The following PDE4D variants were observed in gnomAD, a reference collection of about 807,000 sequenced individuals.
The protein encoded by PDE4D is phosphodiesterase 4D, also known as 3',5'-cyclic-AMP phosphodiesterase 4D.
A neutral mutation model predicts 87.4 loss-of-function variants in PDE4D; 24 were observed. That is an observed-to-expected ratio of 0.27 (90% confidence interval 0.20 to 0.39). PDE4D has a LOEUF of 0.39. Ranked by LOEUF, PDE4D falls within the 10% of genes least tolerant of loss-of-function variation. PDE4D has a pLI of 1.00. For missense variants in PDE4D, 714 were observed against 1,041.0 expected (o/e 0.69, Z 4.32); for synonymous variants, 384 against 383.2 (o/e 1.00, Z -0.02).
At chr5:60,087,014 G>C (rs997147939) in intron 2 of PDE4D, among the ~76,000 whole-genome samples, 9 of 152,200 alleles carry the variant, frequency 5.9e-5, no homozygotes, top group Non-Finnish European at 1.2e-4. Flanking sequence ...ACAACTAAAA[G>C]TTGGGACTGA....
At chr5:59,832,654 C>A (rs1157709) in intron 1 of PDE4D, among the ~76,000 whole-genome samples, 146,694 of 152,154 alleles carry the variant, frequency 0.96, 70,797 homozygotes, top group African/African-American at 0.99. Context: ...GCCCTGAGAT[C>A]TCAAAAGCCT....
chr5:59,839,649 T>C (rs899568294), intron 1 of PDE4D, among the ~76,000 whole-genome samples: 1 of 152,158 alleles, frequency 6.6e-6, no homozygotes, highest in East Asian at 1.9e-4. Flanking sequence ...ATTTTTCATA[T>C]GGTGGAAGTG....
chr5:59,520,151 T>C (rs1473108849), intron 1 of PDE4D, among the ~76,000 whole-genome samples: 2 of 152,134 alleles, frequency 1.3e-5, no homozygotes, highest in Non-Finnish European at 2.9e-5. Flanking sequence ...TAGTCCCAGC[T>C]ACTTCGAAGG....
chr5:59,018,391 C>A (rs1159552031), intron 6 of PDE4D, among the ~76,000 whole-genome samples: 2 of 152,202 alleles, frequency 1.3e-5, no homozygotes, highest in Non-Finnish European at 2.9e-5. Context: ...AAGTCTATTA[C>A]ACTTTGGGTG....
chr5:59,881,927 C>T (rs1445395845), intron 1 of PDE4D, among the ~76,000 whole-genome samples: 1 of 152,122 alleles, frequency 6.6e-6, no homozygotes, highest in Non-Finnish European at 1.5e-5. Context: ...TTATAAAACA[C>T]TAATGGGTGT....
intron 1 of PDE4D, among the ~76,000 whole-genome samples, chr5:60,265,807 G>A (rs983973512): frequency 6.6e-6 from 1 of 152,164 alleles, no homozygotes; most frequent in African/African-American, 2.4e-5. Context: ...CACACCTCCT[G>A]CCAAGCTGAG....
intron 5 of PDE4D, among the ~76,000 whole-genome samples, chr5:59,123,936 T>TA (rs149593479): frequency 0.064 from 9,695 of 151,992 alleles, 394 homozygotes; most frequent in East Asian, 0.14. Flanking sequence ...CTGTATGATG[T>TA]AAAAAAAAGA....
intron 1 of PDE4D, among the ~76,000 whole-genome samples, chr5:59,219,937 C>T (rs140501603): frequency 3.9e-4 from 59 of 152,008 alleles, no homozygotes; most frequent in African/African-American, 1.3e-3. Flanking sequence ...ATGAATAAGG[C>T]GTGTATATAA....
chr5:59,605,610 A>C (rs1397777554), intron 1 of PDE4D, among the ~76,000 whole-genome samples: 6 of 152,118 alleles, frequency 3.9e-5, no homozygotes, highest in Non-Finnish European at 7.4e-5. Flanking sequence ...ACAGGGGTTC[A>C]AACTCCTGTT....
intron 11 of PDE4D, among the ~76,000 whole-genome samples, chr5:58,982,160 T>C (rs1745315825): frequency 6.6e-6 from 1 of 152,186 alleles, no homozygotes. Context: ...GGGGTAATTA[T>C]GAGTCGTAAC....
Position 59,263,815 on chromosome 5 carries a change from T to A in PDE4D, c.456-47847A>T, listed in dbSNP as rs531752680. ...ATTTTCAAAATCAGGATCACTATTA[T>A]TTTTAGTAGGTGGGGGCAGGGGCTT... On this transcript the variant is annotated intron_variant, in intron 1 of 14. Transcript: ENST00000340635. Among the ~76,000 whole-genome samples, 3 of 152,016 alleles carry A rather than the reference T, an allele frequency of 2.0e-5. No individual in the cohort carries two copies. In the South Asian group the frequency reaches 6.2e-4, roughly 32 times the overall value.
intron 1 of PDE4D, among the ~76,000 whole-genome samples, chr5:59,346,352 A>G (rs1413797307): frequency 6.6e-6 from 1 of 152,106 alleles, no homozygotes; most frequent in Non-Finnish European, 1.5e-5. Context: ...ATCCTTGCAG[A>G]GTGCTAAGGG....
chr5:60,432,731 T>G (rs533422481), intron 1 of PDE4D, among the ~76,000 whole-genome samples: 13 of 152,188 alleles, frequency 8.5e-5, no homozygotes, highest in African/African-American at 2.9e-4. Flanking sequence ...CAAAAATAGA[T>G]ACATAGACCA....
Position 59,639,812 on chromosome 5 carries a change from A to AGTGTGT in PDE4D, c.455+253350_455+253355dup, listed in dbSNP as rs70975323. ...TGCCAATTTTAAATATAGTGTCTATAGTGTGTGTGTGTGTGTGTGTGTGTG... is the reference window on the plus strand; with the variant it reads ...TGCCAATTTTAAATATAGTGTCTATAGTGTGTGTGTGTGTGTGTGTGTGTGTGTGTG... On this transcript the variant is annotated intron_variant, in intron 1 of 14. Coordinates refer to ENST00000340635, the MANE Select transcript of PDE4D (RefSeq NM_001104631.2). Among the ~76,000 whole-genome samples, 1,281 of 143,692 alleles carry AGTGTGT rather than the reference A, an allele frequency of 8.9e-3. 11 individuals are homozygous for AGTGTGT. Among genetic ancestry groups the AGTGTGT allele is most frequent in the African/African-American group, 0.025 (967 of 38,126 alleles). 94.3% of individuals were successfully genotyped at this position (143,692 alleles called of 152,430 possible). A position where few individuals can be genotyped will look rare whatever the true frequency, so the allele number is the denominator to read the frequency against.
At chr5:60,252,586 C>T (rs1349149279) in intron 1 of PDE4D, among the ~76,000 whole-genome samples, 2 of 151,620 alleles carry the variant, frequency 1.3e-5, no homozygotes, top group African/African-American at 2.4e-5. Flanking sequence ...GTGGCAATGG[C>T]AGGGGTATGG....
intron 1 of PDE4D, among the ~76,000 whole-genome samples, chr5:59,869,226 G>T (rs759699500): frequency 1.3e-5 from 2 of 152,192 alleles, no homozygotes; most frequent in Non-Finnish European, 2.9e-5. Flanking sequence ...CAACTGGCAA[G>T]ATTTGGAGAA....
At chr5:59,328,448 G>C (rs532553282) in intron 1 of PDE4D, among the ~76,000 whole-genome samples, 21 of 152,258 alleles carry the variant, frequency 1.4e-4, no homozygotes, top group Non-Finnish European at 2.5e-4. Flanking sequence ...GCTAGCATTT[G>C]ATTTATCTTG....
At chr5:59,448,442 G>GAA (rs1229016278) in intron 1 of PDE4D, among the ~76,000 whole-genome samples, 1 of 152,116 alleles carries the variant, frequency 6.6e-6, no homozygotes, top group Non-Finnish European at 1.5e-5. Context: ...GAAGTCTTTT[G>GAA]AATTTTCAAT....
chr5:59,460,086 T>G (rs1800531725), intron 1 of PDE4D, among the ~76,000 whole-genome samples: 1 of 149,396 alleles, frequency 6.7e-6, no homozygotes, highest in Non-Finnish European at 1.5e-5. Context: ...AAAATAGACA[T>G]AAGTAGAAAG....
Sources: allele counts gnomAD v4.1 joint callset (sites outside exome capture counted in the v4.1 genomes callset), GRCh38; gene constraint gnomAD v4.1.1; transcripts MANE v1.5; gene names NCBI Gene and HGNC (gene_info 2026-07-23, HGNC 2026-07-21).